Variants in SEC24D observed in about 807,000 individuals in gnomAD.
The protein encoded by SEC24D is protein transport protein Sec24D.
A neutral mutation model predicts 116.9 loss-of-function variants in SEC24D; 69 were observed. That is an observed-to-expected ratio of 0.59 (90% CI 0.49 to 0.72). The LOEUF is 0.72. SEC24D is among the 30% of genes least tolerant of loss of function. The pLI is 0.00. For synonymous variants in SEC24D, 405 were observed against 442.8 expected (o/e 0.91, Z 1.07); for missense variants, 1,131 against 1,264.1 (o/e 0.89, Z 1.60).
intron 7 of SEC24D, 51 bp from the exon 8 acceptor site, chr4:118,797,861 C>A: frequency 7.0e-7 from 1 of 1,434,450 alleles, no homozygotes; most frequent in Non-Finnish European, 9.5e-7. Context: ...AAAAACCTTC[C>A]CTAAGATATT....
chr4:118,820,419 T>C (rs572325906), intron 3 of SEC24D, among the ~76,000 whole-genome samples: 11 of 152,302 alleles, frequency 7.2e-5, no homozygotes, highest in Non-Finnish European at 1.5e-4. Flanking sequence ...GACCTCGTGA[T>C]CCGCCCGCCT....
At chr4:118,751,725 A>G (rs1260836752) in intron 13 of SEC24D, among the ~76,000 whole-genome samples, 2 of 152,194 alleles carry the variant, frequency 1.3e-5, no homozygotes, top group African/African-American at 4.8e-5. Context: ...TAGACCATAT[A>G]AAGTTCATAT....
rs140430151 is a variant in SEC24D, at chr4:118,722,968, C to T, written c.*547G>A. Reference sequence around the variant, plus strand: ...AACTGGAAAATAGTTTTAACATACACAATATATAATTATGAAAAAAATGTA... The same window carrying T: ...AACTGGAAAATAGTTTTAACATACATAATATATAATTATGAAAAAAATGTA... On this transcript the variant is annotated 3_prime_UTR_variant, in exon 23 of 23. Transcript: ENST00000280551. The T allele has an allele frequency of 1.3e-5, 2 of 152,466 alleles. No individual in the cohort carries two copies. Among genetic ancestry groups the T allele is most frequent in the African/African-American group, 4.8e-5 (2 of 41,498 alleles). The allele number at this position is 152,466 out of a possible 1,614,324, so 9.4% of individuals were successfully genotyped here.
Position 118,815,639 on chromosome 4 carries a change from G to A in SEC24D, c.485C>T (p.Ser162Phe). Residue 162 changes from serine (S) to phenylalanine (F), a missense_variant, in exon 5 of 23, where the codon TCC becomes TTC. Physicochemically the swap from Ser to Phe is radical, Grantham distance 155 (BLOSUM62 -2). Transcript: ENST00000280551. The part of the protein sequence containing the change: ...LQTPPRPPQP[S>F]ILQPGSQVLP... ...AACTTGAGATCCAGGCTGCAAAATG[G>A]AAGGCTGTGGAGGTCGTGGAGGAGT... 6.2e-7 allele frequency: 1 copy of A among 1,614,200 alleles called. No individual in the cohort carries two copies. Among genetic ancestry groups the A allele is most frequent in the East Asian group, 2.2e-5 (1 of 44,866 alleles).
intron 8 of SEC24D, among the ~76,000 whole-genome samples, chr4:118,791,144 G>T (rs1485622480): frequency 6.6e-6 from 1 of 151,840 alleles, no homozygotes; most frequent in Non-Finnish European, 1.5e-5. Flanking sequence ...TTAGATAAAC[G>T]ATAGTGCCAC....
Position 118,745,076 on chromosome 4 carries a change from A to AC in SEC24D, c.1708-17_1708-16insG. 1 of 1,399,922 alleles carries AC rather than the reference A, an allele frequency of 7.1e-7. No individual in the cohort carries two copies. Among genetic ancestry groups the AC allele is most frequent in the Admixed American group, 2.1e-5 (1 of 48,254 alleles). 86.7% of individuals were successfully genotyped at this position (1,399,922 alleles called of 1,614,324 possible). A position where few individuals can be genotyped will look rare whatever the true frequency, so the allele number is the denominator to read the frequency against. On this transcript the variant is annotated splice_polypyrimidine_tract_variant and intron_variant, in intron 13 of 22. Transcript: ENST00000280551. ...AGTCTGCTGCCTAAAAAAAAAAAAA[A>AC]ACCCAAAAACCCACAGAAAATGCCG...
chr4:118,764,797 CT>C lies in SEC24D; in HGVS notation c.1296+4del. 2.0e-6 allele frequency: 3 copies of C among 1,483,930 alleles called. No individual in the cohort carries two copies. The highest frequency in any genetic ancestry group is 2.8e-6 in the Non-Finnish European group (3 of 1,064,068). The allele number at this position is 1,483,930 out of a possible 1,614,324, so 91.9% of individuals were successfully genotyped here. On this transcript the variant is annotated splice_donor_region_variant and intron_variant, in intron 10 of 22. Transcript: ENST00000280551. The stretch of plus-strand genomic sequence containing the variant: ...ATAAACACTTGAAGTTCTGGGAACA[CT>C]TACTCTGCAATAATCCAAAGTGGCA...
intron 3 of SEC24D, among the ~76,000 whole-genome samples, chr4:118,823,055 A>G (rs1325398458): frequency 2.0e-5 from 3 of 152,196 alleles, no homozygotes; most frequent in Non-Finnish European, 4.4e-5. Flanking sequence ...GAGGACAGGC[A>G]TGGTCAAGGA....
chr4:118,730,136 C>G (rs1323543706), intron 21 of SEC24D: 1 of 152,204 alleles, frequency 6.6e-6, no homozygotes, highest in African/African-American at 2.4e-5. Flanking sequence ...AGTTCAGCAA[C>G]TATGCATTCA....
Position 118,815,035 on chromosome 4 carries a change from G to A in SEC24D, c.794C>T (p.Pro265Leu). 1 of 1,614,072 alleles carries A rather than the reference G, an allele frequency of 6.2e-7. No individual in the cohort carries two copies. The highest frequency in any genetic ancestry group is 8.5e-7 in the Non-Finnish European group (1 of 1,179,964). ...AGTGAGAAGAGTACTTACTGGGCTA[G>A]GGATAGAGTCAGGATCCAGCTTCTT... ...PQKKLDPDSI[P>L]SPIQVIENDR... The change falls in exon 6 of 23, where the codon CCT (proline) becomes CTT (leucine). Residue 265 changes from proline (P) to leucine (L), a missense_variant. Coordinates refer to ENST00000280551, the MANE Select transcript of SEC24D (RefSeq NM_014822.4).
At chr4:118,792,518 A>G (rs182850008) in intron 8 of SEC24D, among the ~76,000 whole-genome samples, 2,310 of 152,376 alleles carry the variant, frequency 0.015, 26 homozygotes, top group Non-Finnish European at 0.023. Context: ...AGAAGTAGAC[A>G]TAGGAGACTC....
At chr4:118,835,157 G>A (rs923351565) in intron 1 of SEC24D, among the ~76,000 whole-genome samples, 1 of 152,184 alleles carries the variant, frequency 6.6e-6, no homozygotes, top group Non-Finnish European at 1.5e-5. Flanking sequence ...AGAGCACTTA[G>A]GAAGTCGGCA....
rs1260029155 is a variant in SEC24D at position 118,722,955 on chromosome 4, G to C, written c.*560C>G. On this transcript the variant is annotated 3_prime_UTR_variant, in exon 23 of 23. Coordinates refer to ENST00000280551, the MANE Select transcript of SEC24D (RefSeq NM_014822.4). ...TTACAGACAAAACAACTGGAAAATA[G>C]TTTTAACATACACAATATATAATTA... The C allele has an allele frequency of 6.6e-6, 1 of 152,470 alleles. No individual in the cohort carries two copies. Among genetic ancestry groups the C allele is most frequent in the Non-Finnish European group, 1.5e-5 (1 of 68,000 alleles). The allele number at this position is 152,470 out of a possible 1,614,324, so 9.4% of individuals were successfully genotyped here. A position where few individuals can be genotyped will look rare whatever the true frequency, so the allele number is the denominator to read the frequency against.
At chr4:118,736,652 T>C (rs1725976434) in intron 19 of SEC24D, 4 of 194,146 alleles carry the variant, frequency 2.1e-5, no homozygotes, top group African/African-American at 2.4e-5. Context: ...GACAATACTG[T>C]TTTAGAATCT....
chr4:118,814,723 A>G (rs1254167442), intron 6 of SEC24D, among the ~76,000 whole-genome samples: 1 of 152,202 alleles, frequency 6.6e-6, no homozygotes, highest in Non-Finnish European at 1.5e-5. Context: ...TACTCATTAG[A>G]TAGCGATACT....
chr4:118,797,745 T>C lies in SEC24D; in HGVS notation c.979A>G (p.Lys327Glu), dbSNP rs1729243685. 3 of 1,611,474 alleles carry C rather than the reference T, an allele frequency of 1.9e-6. No homozygotes were observed. The highest frequency in any genetic ancestry group is 2.5e-6 in the Non-Finnish European group (3 of 1,178,198). Residue 327 changes from lysine to glutamate, a missense_variant, in exon 8 of 23, where the codon AAG becomes GAG. Coordinates refer to ENST00000280551, the MANE Select transcript of SEC24D (RefSeq NM_014822.4). ...GCAGCTAATGGAATCTGAGCTTGCT[T>C]AGCCATATCTGACGTGCATGGAAAA... ...YCFPCTSDMAKQAQIPLAAVI... is the reference protein window; with the variant it reads ...YCFPCTSDMAEQAQIPLAAVI...
chr4:118,793,383 C>T (rs1729026655), intron 8 of SEC24D, among the ~76,000 whole-genome samples: 2 of 144,734 alleles, frequency 1.4e-5, no homozygotes, highest in South Asian at 2.2e-4. Context: ...AGGAGAATGG[C>T]GTGAACCCGG....
chr4:118,772,722 A>G (rs959479418), intron 8 of SEC24D, among the ~76,000 whole-genome samples: 1 of 152,246 alleles, frequency 6.6e-6, no homozygotes, highest in South Asian at 2.1e-4. Flanking sequence ...GTGGTGCAAA[A>G]TAACAAAGCA....
intron 8 of SEC24D, among the ~76,000 whole-genome samples, chr4:118,794,842 T>C (rs2110502784): frequency 6.6e-6 from 1 of 152,342 alleles, no homozygotes; most frequent in South Asian, 2.1e-4. Context: ...CCCGCTGTTT[T>C]AAAGGAGGTA....
Sources: allele counts gnomAD v4.1 joint callset (sites outside exome capture counted in the v4.1 genomes callset), GRCh38; gene constraint gnomAD v4.1.1; transcripts MANE v1.5; gene names NCBI Gene and HGNC (gene_info 2026-07-23, HGNC 2026-07-21).